Variants in ME2 observed in about 807,000 individuals in gnomAD.
The protein encoded by ME2 is NAD-dependent malic enzyme, mitochondrial.
A neutral mutation model predicts 73.7 loss-of-function variants in ME2; 60 were observed. That is an observed-to-expected ratio of 0.81 (90% CI 0.66 to 1.01). ME2 has a LOEUF of 1.01. ME2 is among the 50% of genes least tolerant of loss of function. The probability of loss-of-function intolerance (pLI) is 0.00; values close to 1 mark genes in which losing one functional copy is unlikely to be tolerated. For synonymous variants in ME2, 199 were observed against 236.9 expected, an observed-to-expected ratio of 0.84 and a Z score of 1.47; for missense variants, 594 against 705.5, an observed-to-expected ratio of 0.84 and a Z score of 1.79.
intron 2 of ME2, 21 bp downstream of exon 2, chr18:50,895,949 T>C (rs763063800): frequency 1.1e-4 from 161 of 1,465,974 alleles, no homozygotes; most frequent in Middle Eastern, 6.9e-4. Context: ...TTAATATCAA[T>C]GTACATTTTC....
intron 15 of ME2, 56 bp from the exon 16 acceptor site, chr18:50,946,961 G>C: frequency 8.0e-7 from 1 of 1,249,920 alleles, no homozygotes; most frequent in Non-Finnish European, 1.1e-6. Context: ...ATAGTACGTT[G>C]TCTCTCTAAT....
intron 2 of ME2, among the ~76,000 whole-genome samples, chr18:50,906,564 T>G (rs1917024687): frequency 6.6e-6 from 1 of 152,134 alleles, no homozygotes; most frequent in Non-Finnish European, 1.5e-5. Flanking sequence ...CCGCCCACCT[T>G]GGCCTCCCAA....
At chr18:50,891,769 C>T (rs1167143828) in intron 1 of ME2, among the ~76,000 whole-genome samples, 2 of 151,594 alleles carry the variant, frequency 1.3e-5, no homozygotes, top group Non-Finnish European at 2.9e-5. Context: ...GTCACAGACC[C>T]ATTACTCCAT....
Position 50,943,288 on chromosome 18 carries a change from A to AATTT in ME2, c.1587+2927_1587+2930dup, listed in dbSNP as rs201417906. ...TAAAATTTTATCATTTTGACTATTA[A>AATTT]ATTTATTTATTTATTTATTTATTTA... is the stretch of plus-strand genomic sequence containing the variant. On this transcript the variant is annotated intron_variant, in intron 15 of 15. Coordinates refer to ENST00000321341, the MANE Select transcript of ME2 (RefSeq NM_002396.5). Among the ~76,000 whole-genome samples the AATTT allele has an allele frequency of 4.4e-3, 662 of 151,606 alleles. 9 individuals carry two copies. In the East Asian group the frequency reaches 0.056, roughly 13 times the overall value.
At chr18:50,919,719 T>C (rs1026918946) in intron 7 of ME2, among the ~76,000 whole-genome samples, 1 of 152,142 alleles carries the variant, frequency 6.6e-6, no homozygotes, top group Non-Finnish European at 1.5e-5. Context: ...AGGTTTATCC[T>C]TCCTAAAGGG....
At chr18:50,886,844 T>C (rs939185815) in intron 1 of ME2, among the ~76,000 whole-genome samples, 1 of 151,792 alleles carries the variant, frequency 6.6e-6, no homozygotes, top group African/African-American at 2.4e-5. Context: ...CTACCAAAAA[T>C]ACAAAAAATT....
chr18:50,888,922 C>T (rs1046173950), intron 1 of ME2, among the ~76,000 whole-genome samples: 3 of 151,808 alleles, frequency 2.0e-5, no homozygotes, highest in Non-Finnish European at 4.4e-5. Flanking sequence ...TTTCAGGGTA[C>T]GTGTGATAAT....
At position 50,912,814 on chromosome 18, in the gene ME2, A is replaced by T; in HGVS notation, c.256A>T (p.Met86Leu). 6.3e-7 allele frequency: 1 copy of T among 1,595,666 alleles called. No homozygotes were observed. The highest frequency in any genetic ancestry group is 2.2e-5 in the East Asian group (1 of 44,570). The stretch of plus-strand genomic sequence containing the variant: ...GCTTCATTTCAGATATATCTACATA[A>T]TGGGAATACAAGAAAGAAATGAGAA... ...TSPLEKYIYIMGIQERNEKLF... is the reference protein window; with the variant it reads ...TSPLEKYIYILGIQERNEKLF... The change falls in exon 4 of 16, where the codon ATG becomes TTG. Residue 86 changes from methionine to leucine, a missense_variant. Met to Leu is a conservative substitution (Grantham distance 15). Transcript: ENST00000321341.
At chr18:50,895,494 A>G (rs887162381) in intron 1 of ME2, among the ~76,000 whole-genome samples, 3 of 152,174 alleles carry the variant, frequency 2.0e-5, no homozygotes, top group East Asian at 1.9e-4. Context: ...GCTATTTACT[A>G]TGTTACCTCT....
intron 15 of ME2, among the ~76,000 whole-genome samples, chr18:50,941,657 G>T (rs1416266567): frequency 6.8e-6 from 1 of 147,356 alleles, no homozygotes; most frequent in Non-Finnish European, 1.5e-5. Context: ...TTACAGGCGT[G>T]AGCCACCACG....
chr18:50,893,124 C>CAAA (rs56104427), intron 1 of ME2, among the ~76,000 whole-genome samples: 40 of 78,082 alleles, frequency 5.1e-4, no homozygotes, highest in Non-Finnish European at 6.2e-4. Flanking sequence ...GACTCTATCT[C>CAAA]AAAAAAAAAA....
At chr18:50,926,912 T>C (rs193297320) in intron 12 of ME2, among the ~76,000 whole-genome samples, 72 of 152,370 alleles carry the variant, frequency 4.7e-4, no homozygotes, top group Non-Finnish European at 9.1e-4. Flanking sequence ...TAAATACTGC[T>C]TTCTTGTACT....
chr18:50,892,509 C>CCATATCT (rs1467655415), intron 1 of ME2, among the ~76,000 whole-genome samples: 1 of 152,140 alleles, frequency 6.6e-6, no homozygotes, highest in Non-Finnish European at 1.5e-5. Flanking sequence ...TATTTCTATC[C>CCATATCT]ATATATTTAG....
intron 13 of ME2, chr18:50,933,882 C>T (rs569709849): frequency 6.6e-6 from 1 of 152,230 alleles, no homozygotes; most frequent in Non-Finnish European, 1.5e-5. Context: ...GTTCTTATCA[C>T]TTAGCTCCAC....
rs1212133596 is a variant in ME2 at position 50,948,546 on chromosome 18, T to A, written c.*1362T>A. 4 of 145,156 alleles carry A rather than the reference T, an allele frequency of 2.8e-5. 1 individual carries two copies. The highest frequency in any genetic ancestry group is 2.0e-4 in the East Asian group (1 of 5,042). The allele number at this position is 145,156 out of a possible 1,614,324, so 9.0% of individuals were successfully genotyped here. ...CCTATGAATACAAATTGATTCTTTT[T>A]TTTTTTTTTTTTTTTTGAGACAGAG... On this transcript the variant is annotated 3_prime_UTR_variant, in exon 16 of 16. Transcript: ENST00000321341.
rs1328620511 is a variant in ME2, at chr18:50,921,158, A to G, written c.1027A>G (p.Met343Val). ...ACAAGAGGCACAAAAGAAAATCTGG[A>G]TGTTTGACAAGTATGGTTTATTAGT... ...SEQEAQKKIW[M>V]FDKYGLLVKG... is the part of the protein sequence containing the mutation. The change falls in exon 10 of 16, where the codon ATG becomes GTG. Residue 343 changes from methionine to valine, a missense_variant. By Grantham distance (21) the Met-to-Val change is conservative. Transcript: ENST00000321341. 3.1e-6 allele frequency: 5 copies of G among 1,593,126 alleles called. No homozygotes were observed. The highest frequency in any genetic ancestry group is 4.3e-6 in the Non-Finnish European group (5 of 1,165,206).
At chr18:50,880,957 A>G (rs904836335) in intron 1 of ME2, among the ~76,000 whole-genome samples, 2 of 152,222 alleles carry the variant, frequency 1.3e-5, no homozygotes, top group East Asian at 3.8e-4. Flanking sequence ...AAAAACTTAC[A>G]GCTATGTATG....
At chr18:50,897,212 C>A (rs980106513) in intron 2 of ME2, among the ~76,000 whole-genome samples, 1 of 152,134 alleles carries the variant, frequency 6.6e-6, no homozygotes, top group African/African-American at 2.4e-5. Flanking sequence ...ATTTCGGGTT[C>A]CTTTTGGGCA....
chr18:50,895,937 CATT>C lies in ME2; in HGVS notation c.108+11_108+13del, dbSNP rs771716424. The C allele has an allele frequency of 2.0e-6, 3 of 1,520,024 alleles. No homozygotes were observed. Among genetic ancestry groups the C allele is most frequent in the Non-Finnish European group, 2.7e-6 (3 of 1,095,314 alleles). The allele number at this position is 1,520,024 out of a possible 1,614,324, so 94.2% of individuals were successfully genotyped here. ...ACCCAAGAACAAACAAGGTTAGTAACATTAATATCAATGTACATTTTCTCTCTT... is the reference window on the plus strand; with the variant it reads ...ACCCAAGAACAAACAAGGTTAGTAACAATATCAATGTACATTTTCTCTCTT... On this transcript the variant is annotated intron_variant, in intron 2 of 15. Transcript: ENST00000321341.
Sources: allele counts gnomAD v4.1 joint callset (sites outside exome capture counted in the v4.1 genomes callset), GRCh38; gene constraint gnomAD v4.1.1; transcripts MANE v1.5; gene names NCBI Gene and HGNC (gene_info 2026-07-23, HGNC 2026-07-21).